Variants in CPT1A observed in about 807,000 individuals in gnomAD.
The protein encoded by CPT1A is carnitine O-palmitoyltransferase 1, liver isoform.
CPT1A carries 64 observed loss-of-function variants against 100.8 expected under a neutral mutation model. The observed-to-expected ratio is 0.63, with a 90% CI of 0.52 to 0.78. CPT1A has a LOEUF of 0.78. Ranked by LOEUF, CPT1A falls within the 30% of genes least tolerant of loss-of-function variation. The pLI is 0.00. For synonymous variants in CPT1A, 363 were observed against 396.0 expected, an observed-to-expected ratio of 0.92 and a Z score of 0.99; for missense variants, 802 against 1,034.1, an observed-to-expected ratio of 0.78 and a Z score of 3.08.
At chr11:68,838,883 A>C (rs1857089485) in intron 1 of CPT1A, among the ~76,000 whole-genome samples, 1 of 152,204 alleles carries the variant, frequency 6.6e-6, no homozygotes, top group African/African-American at 2.4e-5. Context: ...GTGCCTCTTT[A>C]ACTTTGCATC....
intron 14 of CPT1A, among the ~76,000 whole-genome samples, chr11:68,770,596 G>A (rs574628776): frequency 1.8e-4 from 28 of 152,342 alleles, no homozygotes; most frequent in Admixed American, 6.5e-4. Flanking sequence ...AGGAATGGAT[G>A]TTAAACGTGA....
Position 68,761,566 on chromosome 11 carries a change from T to C in CPT1A, c.1997A>G (p.Tyr666Cys). The part of the protein sequence containing the change: ...HLFCLYVVSK[Y>C]LAVESPFLKE... ...AAGGAAAGGGGACTCCACAGCGAGA[T>C]ATTTAGACACCACGTAAAGGCAGAA... Residue 666 changes from tyrosine to cysteine, a missense_variant, in exon 16 of 19, where the codon TAT becomes TGT. By Grantham distance (194) the Tyr-to-Cys change is radical. Around this residue, in one of 4 missense-constraint regions of CPT1A, gnomAD observed 627 missense variants for 799.3 expected, o/e 0.78. Coordinates refer to ENST00000265641, the MANE Select transcript of CPT1A (RefSeq NM_001876.4). 6.2e-7 allele frequency: 1 copy of C among 1,614,014 alleles called. No individual in the cohort carries two copies. The highest frequency in any genetic ancestry group is 1.6e-4 in the Middle Eastern group (1 of 6,062).
chr11:68,828,313 G>C (rs965563349), intron 1 of CPT1A, among the ~76,000 whole-genome samples: 4 of 152,222 alleles, frequency 2.6e-5, no homozygotes, highest in Non-Finnish European at 4.4e-5. Flanking sequence ...GGAGAGGGGG[G>C]CATACTCCAC....
intron 1 of CPT1A, among the ~76,000 whole-genome samples, chr11:68,834,267 T>C (rs1200283091): frequency 2.0e-5 from 3 of 151,984 alleles, no homozygotes; most frequent in African/African-American, 7.3e-5. Context: ...CAAAACCTCA[T>C]CTCTAGTAAA....
Position 68,841,575 on chromosome 11 carries a change from G to A in CPT1A, c.-14+200C>T, listed in dbSNP as rs1470772310. 1.3e-5 allele frequency among the ~76,000 whole-genome samples: 2 copies of A among 152,176 alleles called. No individual in the cohort carries two copies. The highest frequency in any genetic ancestry group is 2.9e-5 in the Non-Finnish European group (2 of 68,014). ...CCCAATCCCCTGGGGAACATGGGGAGCCCCGGCCTCTTTCTGGGTTCAGGA... is the reference window on the plus strand; with the variant it reads ...CCCAATCCCCTGGGGAACATGGGGAACCCCGGCCTCTTTCTGGGTTCAGGA... On this transcript the variant is annotated intron_variant, in intron 1 of 18. Transcript: ENST00000265641. This position sits in a 1 kb window ranked among gnomAD's most constrained non-coding sequence, Gnocchi z 6.3.
chr11:68,761,439 C>A (rs1352490145), intron 16 of CPT1A, 96 bp downstream of exon 16: 2 of 1,405,540 alleles, frequency 1.4e-6, no homozygotes, highest in Non-Finnish European at 2.0e-6. Flanking sequence ...TTCAAATGCC[C>A]ATTCTGACAT....
chr11:68,780,568 G>A (rs552022289), intron 12 of CPT1A, 72 bp downstream of exon 12: 70 of 1,335,232 alleles, frequency 5.2e-5, no homozygotes, highest in Non-Finnish European at 6.6e-5. Flanking sequence ...ACAGGTGTGC[G>A]CCACTGCGCC....
chr11:68,795,202 G>A (rs149935608), intron 7 of CPT1A, among the ~76,000 whole-genome samples: 4 of 152,276 alleles, frequency 2.6e-5, no homozygotes, highest in Non-Finnish European at 2.9e-5. Flanking sequence ...AAAATTAGTC[G>A]GGGAGCAATT....
chr11:68,802,369 A>G (rs1444200277), intron 5 of CPT1A, among the ~76,000 whole-genome samples: 1 of 151,714 alleles, frequency 6.6e-6, no homozygotes, highest in African/African-American at 2.4e-5. Context: ...CGAAGCAGGT[A>G]GATCACTTGA....
intron 2 of CPT1A, among the ~76,000 whole-genome samples, chr11:68,813,722 G>A (rs1856292659): frequency 6.6e-6 from 1 of 151,268 alleles, no homozygotes; most frequent in South Asian, 2.1e-4. Context: ...GGGAGGGGAG[G>A]GGAGAGGGAG....
intron 14 of CPT1A, among the ~76,000 whole-genome samples, chr11:68,769,486 A>T (rs1210571354): frequency 2.6e-5 from 4 of 151,414 alleles, no homozygotes; most frequent in Non-Finnish European, 4.4e-5. Flanking sequence ...CCTGGACTCA[A>T]GTGATCCACC....
At chr11:68,768,502 A>G (rs978882629) in intron 14 of CPT1A, among the ~76,000 whole-genome samples, 1 of 151,094 alleles carries the variant, frequency 6.6e-6, no homozygotes, top group Non-Finnish European at 1.5e-5. Flanking sequence ...TCCACCTCCC[A>G]CGTTCAAGTG....
intron 11 of CPT1A, among the ~76,000 whole-genome samples, chr11:68,781,139 A>G (rs1320281273): frequency 6.6e-6 from 1 of 152,178 alleles, no homozygotes; most frequent in Non-Finnish European, 1.5e-5. Context: ...AGATAGCCAC[A>G]TGCCAACACC....
Position 68,758,489 on chromosome 11 carries a change from C to T in CPT1A, c.2236-759G>A, listed in dbSNP as rs962409167. 2.0e-5 allele frequency among the ~76,000 whole-genome samples: 3 copies of T among 152,148 alleles called. No homozygotes were observed. In the East Asian group the frequency reaches 5.8e-4, roughly 29 times the overall value. On this transcript the variant is annotated intron_variant, in intron 18 of 18. Coordinates refer to ENST00000265641, the MANE Select transcript of CPT1A (RefSeq NM_001876.4). ...CTGTATGCAGATTTCTTAGTGTGTA[C>T]CCATTATTTTTAGTTCATCTTCCAA...
chr11:68,817,705 G>A (rs1162817337), intron 1 of CPT1A, among the ~76,000 whole-genome samples: 1 of 142,390 alleles, frequency 7.0e-6, no homozygotes, highest in Non-Finnish European at 1.6e-5. Flanking sequence ...AAGGGCAGGT[G>A]GCTGGGGTCA....
intron 9 of CPT1A, among the ~76,000 whole-genome samples, chr11:68,785,563 GAAAA>G (rs377721687): frequency 2.0e-5 from 1 of 51,106 alleles, no homozygotes; most frequent in African/African-American, 8.1e-5. Flanking sequence ...TCCATCTCAG[GAAAA>G]AAAAAAAAAA....
chr11:68,795,994 G>GAAAGA (rs1423991852), intron 7 of CPT1A, among the ~76,000 whole-genome samples: 1 of 152,010 alleles, frequency 6.6e-6, no homozygotes, highest in African/African-American at 2.4e-5. Flanking sequence ...GAAGGAAAAG[G>GAAAGA]AAAGAGAAGA....
chr11:68,839,249 T>C (rs1566395433), intron 1 of CPT1A, among the ~76,000 whole-genome samples: 1 of 152,216 alleles, frequency 6.6e-6, no homozygotes, highest in East Asian at 1.9e-4. Context: ...CCGCCGCCGC[T>C]GCCACCGCCC....
intron 1 of CPT1A, among the ~76,000 whole-genome samples, chr11:68,826,429 G>A (rs1856731480): frequency 6.8e-6 from 1 of 148,106 alleles, no homozygotes; most frequent in Middle Eastern, 3.8e-3. Context: ...GTGAGAGAGT[G>A]AGACTCCGTC....
Sources: allele counts gnomAD v4.1 joint callset (sites outside exome capture counted in the v4.1 genomes callset), GRCh38; gene constraint gnomAD v4.1.1; regional missense constraint gnomAD v4.1.1; non-coding constraint Gnocchi (gnomAD v3.1); transcripts MANE v1.5; gene names NCBI Gene and HGNC (gene_info 2026-07-23, HGNC 2026-07-21).